Variants in IL20RA observed in about 807,000 individuals in gnomAD.
The protein encoded by IL20RA is interleukin 20 receptor subunit alpha.
IL20RA carries 29 observed loss-of-function variants against 36.5 expected under a neutral mutation model. The ratio of observed to expected loss-of-function variants is 0.79; its 90% CI spans 0.59 to 1.08. IL20RA has a LOEUF of 1.08. Ranked by LOEUF, IL20RA falls within the 50% of genes least tolerant of loss-of-function variation. The pLI, the probability that IL20RA is intolerant of heterozygous loss-of-function variation, is 0.00. For synonymous variants in IL20RA, 279 were observed against 267.1 expected (o/e 1.04, Z -0.43); for missense variants, 652 against 668.4 (o/e 0.98, Z 0.27).
chr6:137,031,316 T>A (rs747200351), intron 1 of IL20RA, among the ~76,000 whole-genome samples: 3 of 152,184 alleles, frequency 2.0e-5, no homozygotes, highest in Non-Finnish European at 4.4e-5. Flanking sequence ...CAGCTGGGTG[T>A]AGCTGGGTAA....
Position 137,002,401 on chromosome 6 carries a change from G to T in IL20RA, c.865-46C>A, listed in dbSNP as rs980686527. 5.2e-6 allele frequency: 7 copies of T among 1,334,798 alleles called. No individual in the cohort carries two copies. In the African/African-American group the frequency reaches 8.8e-5, roughly 17 times the overall value. 82.7% of individuals were successfully genotyped at this position (1,334,798 alleles called of 1,614,324 possible). A position where few individuals can be genotyped will look rare whatever the true frequency, so the allele number is the denominator to read the frequency against. ...GATTTTCACCTTTTCACTTTAGAGA[G>T]ACATTAAAAACAGCTGTTAGGTAGA... is the stretch of plus-strand genomic sequence containing the variant. On this transcript the variant is annotated intron_variant, in intron 6 of 6. Transcript: ENST00000316649.
chr6:137,036,765 G>C (rs907038700), intron 1 of IL20RA, among the ~76,000 whole-genome samples: 13 of 152,218 alleles, frequency 8.5e-5, no homozygotes, highest in Non-Finnish European at 1.8e-4. Context: ...CACCCAGTTT[G>C]TGGCACTTTG....
chr6:137,021,444 C>G (rs1362750542), intron 1 of IL20RA, among the ~76,000 whole-genome samples: 1 of 151,052 alleles, frequency 6.6e-6, no homozygotes, highest in Non-Finnish European at 1.5e-5. Context: ...GCAGGTAGAT[C>G]ACTTGAGGTG....
At chr6:137,002,978 T>A (rs1775133945) in intron 6 of IL20RA, among the ~76,000 whole-genome samples, 1 of 152,192 alleles carries the variant, frequency 6.6e-6, no homozygotes, top group African/African-American at 2.4e-5. Context: ...CTAAATCATG[T>A]CAAGGAAGCT....
chr6:137,031,726 A>G (rs1776291464), intron 1 of IL20RA, among the ~76,000 whole-genome samples: 1 of 151,894 alleles, frequency 6.6e-6, no homozygotes, highest in African/African-American at 2.4e-5. Flanking sequence ...ATAATCCTGT[A>G]TCAGGTTGTG....
chr6:137,033,717 G>A (rs1776378133), intron 1 of IL20RA, among the ~76,000 whole-genome samples: 1 of 152,210 alleles, frequency 6.6e-6, no homozygotes, highest in African/African-American at 2.4e-5. Flanking sequence ...GTAGAACCAA[G>A]TGCCAATTAA....
rs764759808 is a variant in IL20RA, at chr6:137,009,341, C to T, written c.555G>A (p.Val185=). Residue 185 remains valine, a synonymous_variant, in exon 4 of 7, where the codon GTG becomes GTA. Coordinates refer to ENST00000316649, the MANE Select transcript of IL20RA (RefSeq NM_014432.4). ...IYSNLKYNVS[V]LNTKSNRTWS... is the part of the protein sequence containing the mutation. ...CCGTTCTGTTTGATTTAGTATTCAACACAGACACGTTATACTTCAGATTGG... is the reference window on the plus strand; with the variant it reads ...CCGTTCTGTTTGATTTAGTATTCAATACAGACACGTTATACTTCAGATTGG... 4 of 1,613,652 alleles carry T rather than the reference C, an allele frequency of 2.5e-6. No homozygotes were observed. The highest frequency in any genetic ancestry group is 2.7e-5 in the African/African-American group (2 of 75,020).
intron 6 of IL20RA, among the ~76,000 whole-genome samples, chr6:137,004,174 T>TTTTTTTTGAG (rs1775190573): frequency 2.4e-5 from 3 of 124,450 alleles, no homozygotes; most frequent in South Asian, 2.8e-4. Context: ...TTTTTTTTTT[T>TTTTTTTTGAG]TTTTTTTTTT....
Position 137,001,524 on chromosome 6 carries a change from C to T in IL20RA, c.*34G>A. 10 of 1,508,082 alleles carry T rather than the reference C, an allele frequency of 6.6e-6. No homozygotes were observed. Among genetic ancestry groups the T allele is most frequent in the Non-Finnish European group, 8.9e-6 (10 of 1,126,108 alleles). 93.4% of individuals were successfully genotyped at this position (1,508,082 alleles called of 1,614,324 possible). ...ATCAAAGGGGTGACTCACTTGTTTGCACAGGAAACAAAAGGCAAAAGGAAG... is the reference window on the plus strand; with the variant it reads ...ATCAAAGGGGTGACTCACTTGTTTGTACAGGAAACAAAAGGCAAAAGGAAG... On this transcript the variant is annotated 3_prime_UTR_variant, in exon 7 of 7. Coordinates refer to ENST00000316649, the MANE Select transcript of IL20RA (RefSeq NM_014432.4).
chr6:137,040,792 T>TA (rs535110000), intron 1 of IL20RA, among the ~76,000 whole-genome samples: 66 of 152,176 alleles, frequency 4.3e-4, no homozygotes, highest in Non-Finnish European at 8.1e-4. Context: ...AAGAGTGAAA[T>TA]AAAAAATCAC....
At chr6:137,017,190 C>T in intron 1 of IL20RA, 87 bp from the exon 2 acceptor site, 1 of 977,434 alleles carries the variant, frequency 1.0e-6, no homozygotes, top group Admixed American at 2.2e-5. Context: ...AGAGATGGCC[C>T]CCAATACGGC....
In IL20RA at chr6:137,004,700, G is replaced by A. The variant is rs371958375; in HGVS notation, c.785C>T (p.Thr262Ile). Residue 262 changes from threonine to isoleucine, a missense_variant, in exon 6 of 7, where the codon ACC becomes ATC. By Grantham distance (89) the Thr-to-Ile change is moderately conservative (BLOSUM62 -1). Coordinates refer to ENST00000316649, the MANE Select transcript of IL20RA (RefSeq NM_014432.4). ...GCCCATCACAGAAAAAAGAAACACG[G>A]TAATAGATACGGGCAAAACATACCA... Reference protein sequence around the residue: ...IFWYVLPVSITVFLFSVMGYS... With the variant: ...IFWYVLPVSIIVFLFSVMGYS... The A allele has an allele frequency of 4.3e-6, 7 of 1,611,514 alleles. No individual in the cohort carries two copies. The African/African-American group carries it at 9.4e-5, about 22-fold the overall frequency.
chr6:137,044,878 A>C lies in IL20RA; in HGVS notation c.-150T>G. On this transcript the variant is annotated 5_prime_UTR_variant, in exon 1 of 7. Transcript: ENST00000316649. ...ACCTGAGTCCCAGGGCGCCTCCGCC[A>C]CAGCCGCGTCCCCCAGGCTTCCCCA... 1.5e-6 allele frequency: 1 copy of C among 666,726 alleles called. No homozygotes were observed. The highest frequency in any genetic ancestry group is 1.9e-5 in the African/African-American group (1 of 52,898). The allele number at this position is 666,726 out of a possible 1,614,324, so 41.3% of individuals were successfully genotyped here.
Position 137,011,255 on chromosome 6 carries a change from C to T in IL20RA, c.403+19G>A. ...TGAATACATGTTTAACTGACCATTG[C>T]AATAATGGCATTACTTACTTTCTAA... On this transcript the variant is annotated intron_variant, in intron 3 of 6. Coordinates refer to ENST00000316649, the MANE Select transcript of IL20RA (RefSeq NM_014432.4). 2.5e-6 allele frequency: 4 copies of T among 1,585,170 alleles called. No individual in the cohort carries two copies. Among genetic ancestry groups the T allele is most frequent in the Non-Finnish European group, 3.4e-6 (4 of 1,161,520 alleles).
chr6:137,030,798 G>GA (rs1437086756), intron 1 of IL20RA, among the ~76,000 whole-genome samples: 1 of 150,840 alleles, frequency 6.6e-6, no homozygotes, highest in South Asian at 2.1e-4. Flanking sequence ...TTTTCAAAGG[G>GA]AAAAAATGAA....
At chr6:137,019,769 T>C (rs570035013) in intron 1 of IL20RA, among the ~76,000 whole-genome samples, 203 of 152,228 alleles carry the variant, frequency 1.3e-3, no homozygotes, top group Non-Finnish European at 2.2e-3. Flanking sequence ...GAATGAATAA[T>C]GTGACAATAA....
At chr6:137,033,130 C>T (rs996415057) in intron 1 of IL20RA, among the ~76,000 whole-genome samples, 7 of 152,158 alleles carry the variant, frequency 4.6e-5, no homozygotes, top group African/African-American at 1.7e-4. Context: ...ATCAAGGAGT[C>T]AGCAGGGCCA....
intron 1 of IL20RA, among the ~76,000 whole-genome samples, chr6:137,018,667 T>C (rs906269426): frequency 3.9e-5 from 6 of 152,144 alleles, no homozygotes; most frequent in Non-Finnish European, 7.4e-5. Context: ...GGAGATTACA[T>C]AGAGTGAATA....
chr6:137,002,466 C>CA (rs1562227409), intron 6 of IL20RA, 111 bp from the exon 7 acceptor site: 1 of 689,722 alleles, frequency 1.4e-6, no homozygotes, highest in East Asian at 2.7e-5. Flanking sequence ...CTACTCTTAC[C>CA]AACTCATGTA....
Sources: allele counts gnomAD v4.1 joint callset (sites outside exome capture counted in the v4.1 genomes callset), GRCh38; gene constraint gnomAD v4.1.1; transcripts MANE v1.5; gene names NCBI Gene and HGNC (gene_info 2026-07-23, HGNC 2026-07-21).